The following NSMCE2 variants were observed in gnomAD, a reference collection of about 807,000 sequenced individuals.
NSMCE2 encodes the protein NSE2 SUMO ligase component of SMC5/6 complex, also known as E3 SUMO-protein ligase NSE2.
A neutral mutation model predicts 23.8 loss-of-function variants in NSMCE2; 24 were observed. That is an observed-to-expected ratio of 1.01 (90% CI 0.73 to 1.42). NSMCE2 has a LOEUF of 1.42. Ranked by LOEUF, NSMCE2 falls within the 40% of genes most tolerant of loss-of-function variation. The pLI is 0.00. For synonymous variants in NSMCE2, 92 were observed against 94.1 expected, an observed-to-expected ratio of 0.98 and a Z score of 0.13; for missense variants, 284 against 296.5, an observed-to-expected ratio of 0.96 and a Z score of 0.31.
At chr8:125,246,810 C>T (rs7010813) in intron 5 of NSMCE2, among the ~76,000 whole-genome samples, 8,733 of 151,966 alleles carry the variant, frequency 0.057, 468 homozygotes, top group South Asian at 0.15. Flanking sequence ...CTTGATGTTT[C>T]GATATAGATA....
At chr8:125,272,840 C>T (rs965379895) in intron 5 of NSMCE2, among the ~76,000 whole-genome samples, 6 of 51,310 alleles carry the variant, frequency 1.2e-4, no homozygotes, top group Non-Finnish European at 2.4e-4. Flanking sequence ...TATATACACA[C>T]GTATATACAC....
intron 4 of NSMCE2, among the ~76,000 whole-genome samples, chr8:125,177,323 C>G (rs139271917): frequency 6.6e-6 from 1 of 152,064 alleles, no homozygotes; most frequent in South Asian, 2.1e-4. Context: ...TGTCTGATCC[C>G]GAGCTCAAAG....
At chr8:125,268,621 G>C (rs532181857) in intron 5 of NSMCE2, among the ~76,000 whole-genome samples, 1 of 152,302 alleles carries the variant, frequency 6.6e-6, no homozygotes, top group Admixed American at 6.5e-5. Flanking sequence ...GAAATATTTA[G>C]AAATTGCATA....
intron 5 of NSMCE2, among the ~76,000 whole-genome samples, chr8:125,203,231 T>TTG (rs143782007): frequency 0.028 from 4,278 of 150,990 alleles, 198 homozygotes; most frequent in African/African-American, 0.095. Context: ...ATCGTAAATG[T>TTG]TGTGTGTGTG....
chr8:125,215,504 G>A lies in NSMCE2; in HGVS notation c.418+33248G>A, dbSNP rs549432704. 4.9e-3 allele frequency among the ~76,000 whole-genome samples: 752 copies of A among 152,060 alleles called. 11 individuals are homozygous for A. The highest frequency in any genetic ancestry group is 0.017 in the African/African-American group (713 of 41,476). ...GTGAATAATGCTGCAATAAACATACGTGTGCATGGGTCTTTATAGCAGCAT... is the reference window on the plus strand; with the variant it reads ...GTGAATAATGCTGCAATAAACATACATGTGCATGGGTCTTTATAGCAGCAT... On this transcript the variant is annotated intron_variant, in intron 5 of 7. Transcript: ENST00000287437.
At chr8:125,133,274 GAA>G (rs1819865962) in intron 3 of NSMCE2, among the ~76,000 whole-genome samples, 1 of 152,156 alleles carries the variant, frequency 6.6e-6, no homozygotes, top group African/African-American at 2.4e-5. Context: ...TATTTAAGTA[GAA>G]AAGTTTGTTT....
At chr8:125,222,027 T>C (rs1394448978) in intron 5 of NSMCE2, among the ~76,000 whole-genome samples, 1 of 152,194 alleles carries the variant, frequency 6.6e-6, no homozygotes, top group African/African-American at 2.4e-5. Context: ...GTTTTCTTTC[T>C]TTCTTTTTAT....
At chr8:125,137,354 A>C (rs1372422448) in intron 3 of NSMCE2, among the ~76,000 whole-genome samples, 7 of 152,158 alleles carry the variant, frequency 4.6e-5, no homozygotes, top group African/African-American at 1.7e-4. Context: ...GATTTGTTTA[A>C]TTAAACTGTT....
At chr8:125,148,630 T>G (rs1820814057) in intron 3 of NSMCE2, among the ~76,000 whole-genome samples, 1 of 152,208 alleles carries the variant, frequency 6.6e-6, no homozygotes, top group Non-Finnish European at 1.5e-5. Context: ...GTTTATACTG[T>G]TAGTCTTTGT....
At chr8:125,106,922 G>C (rs183162035) in intron 3 of NSMCE2, among the ~76,000 whole-genome samples, 1,595 of 151,684 alleles carry the variant, frequency 0.011, 7 homozygotes, top group South Asian at 0.019. Context: ...CTTGAACCCT[G>C]GGGGCGGAGG....
intron 5 of NSMCE2, among the ~76,000 whole-genome samples, chr8:125,322,463 A>T (rs905330325): frequency 6.6e-6 from 1 of 152,218 alleles, no homozygotes; most frequent in African/African-American, 2.4e-5. Flanking sequence ...ACAGAATAGA[A>T]GGGAACTTCT....
intron 5 of NSMCE2, among the ~76,000 whole-genome samples, chr8:125,208,853 G>A (rs893812155): frequency 6.6e-6 from 1 of 152,192 alleles, no homozygotes; most frequent in African/African-American, 2.4e-5. Flanking sequence ...TTTTCAAGTG[G>A]CAAGTATTAA....
intron 5 of NSMCE2, 21 bp from the exon 6 acceptor site, chr8:125,357,198 C>G (rs759764818): frequency 1.4e-6 from 2 of 1,473,442 alleles, no homozygotes; most frequent in Non-Finnish European, 9.5e-7. Context: ...AGAGGCTTAT[C>G]AACTCTCCAT....
intron 5 of NSMCE2, among the ~76,000 whole-genome samples, chr8:125,199,789 C>T (rs1410505926): frequency 6.6e-6 from 1 of 151,994 alleles, no homozygotes; most frequent in East Asian, 1.9e-4. Context: ...TAAAGTCTCC[C>T]GTTATTATTG....
At chr8:125,173,128 T>G (rs1409520988) in intron 4 of NSMCE2, among the ~76,000 whole-genome samples, 1 of 152,200 alleles carries the variant, frequency 6.6e-6, no homozygotes, top group African/African-American at 2.4e-5. Context: ...ACCAATTCTG[T>G]CACCTCCCTT....
chr8:125,150,680 C>T (rs545373147), intron 3 of NSMCE2, among the ~76,000 whole-genome samples: 7 of 152,130 alleles, frequency 4.6e-5, no homozygotes, highest in Middle Eastern at 3.2e-3. Flanking sequence ...CCACGCCCGG[C>T]TGCTATCTTT....
At chr8:125,281,533 G>A (rs1340915934) in intron 5 of NSMCE2, among the ~76,000 whole-genome samples, 22 of 151,840 alleles carry the variant, frequency 1.4e-4, no homozygotes, top group Admixed American at 1.4e-3. Flanking sequence ...TCCACCTCCC[G>A]GGTTCAACCG....
Position 125,366,960 on chromosome 8 carries a change from C to T in NSMCE2, c.*75C>T. On this transcript the variant is annotated 3_prime_UTR_variant, in exon 8 of 8. Transcript: ENST00000287437. ...CTGTCTGTTGAGAGCAGTGCTGACC[C>T]CAGCAGTTAGGGACTGGCTGCATAG... is the stretch of plus-strand genomic sequence containing the variant. The T allele has an allele frequency of 1.2e-6, 1 of 834,430 alleles. No homozygotes were observed. Among genetic ancestry groups the T allele is most frequent in the Non-Finnish European group, 2.0e-6 (1 of 488,602 alleles). 51.7% of individuals were successfully genotyped at this position (834,430 alleles called of 1,614,324 possible).
chr8:125,104,418 G>A (rs916085198), intron 3 of NSMCE2, among the ~76,000 whole-genome samples: 3 of 152,078 alleles, frequency 2.0e-5, no homozygotes, highest in Non-Finnish European at 2.9e-5. Context: ...TTTATGTTAG[G>A]GCTAATTTAG....
Sources: allele counts gnomAD v4.1 joint callset (sites outside exome capture counted in the v4.1 genomes callset), GRCh38; gene constraint gnomAD v4.1.1; transcripts MANE v1.5; gene names NCBI Gene and HGNC (gene_info 2026-07-23, HGNC 2026-07-21).